Variants in CEP63 observed in about 807,000 individuals in gnomAD.
The protein encoded by CEP63 is centrosomal protein 63, also known as centrosomal protein of 63 kDa.
Under a neutral mutation model 89.1 loss-of-function variants are expected in CEP63, and 84 were observed. The ratio of observed to expected loss-of-function variants is 0.94; its 90% CI spans 0.79 to 1.13. CEP63 has a LOEUF of 1.13. Ranked by LOEUF, CEP63 falls within the 50% of genes most tolerant of loss-of-function variation. The probability of loss-of-function intolerance (pLI) is 0.00; values close to 1 mark genes in which losing one functional copy is unlikely to be tolerated. For synonymous variants in CEP63, 267 were observed against 272.5 expected, an observed-to-expected ratio of 0.98 and a Z score of 0.20; for missense variants, 838 against 813.3, an observed-to-expected ratio of 1.03 and a Z score of -0.37.
chr3:134,558,080 A>G (rs1956599636), intron 12 of CEP63, 62 bp from the exon 13 acceptor site: 1 of 1,374,934 alleles, frequency 7.3e-7, no homozygotes, highest in Admixed American at 1.7e-5. Context: ...TCCAACCAGC[A>G]GTATCACAGA....
the CEP63 span, among the ~76,000 whole-genome samples, chr3:134,657,815 A>G: frequency 3.3e-5 from 5 of 152,234 alleles, no homozygotes; most frequent in Non-Finnish European, 7.3e-5. Flanking sequence ...CTCTCCATAC[A>G]CTATCACAAG....
At chr3:134,705,890 C>A in the CEP63 span, among the ~76,000 whole-genome samples, 2 of 152,162 alleles carry the variant, frequency 1.3e-5, no homozygotes, top group African/African-American at 4.8e-5. Flanking sequence ...TGATTCAGGA[C>A]CTTACATAAC....
the CEP63 span, chr3:134,643,423 T>C: frequency 1.1e-5 from 17 of 1,550,154 alleles, no homozygotes; most frequent in East Asian, 3.6e-4. Flanking sequence ...ACTGGGGAAT[T>C]TTCCCCAGGC....
At chr3:134,727,469 G>T in the CEP63 span, among the ~76,000 whole-genome samples, 1 of 152,134 alleles carries the variant, frequency 6.6e-6, no homozygotes, top group African/African-American at 2.4e-5. Flanking sequence ...TTATTCATTT[G>T]TCCTGACAGC....
intron 5 of CEP63, among the ~76,000 whole-genome samples, chr3:134,533,131 G>C (rs1950172659): frequency 6.6e-6 from 1 of 152,150 alleles, no homozygotes; most frequent in Admixed American, 6.5e-5. Flanking sequence ...ACCACCCTTA[G>C]GGAGCATTTG....
chr3:134,567,732 C>T (rs923317299), downstream of CEP63, among the ~76,000 whole-genome samples: 1 of 152,206 alleles, frequency 6.6e-6, no homozygotes, highest in African/African-American at 2.4e-5. Flanking sequence ...GGTTCCTGCT[C>T]TTCCGGGTGG....
At chr3:134,506,233 G>A (rs1276613842) in intron 2 of CEP63, among the ~76,000 whole-genome samples, 2 of 152,180 alleles carry the variant, frequency 1.3e-5, no homozygotes, top group Admixed American at 1.3e-4. Flanking sequence ...GAAATGCCAG[G>A]ACATCAGTAG....
downstream of CEP63, among the ~76,000 whole-genome samples, chr3:134,591,969 CCA>C (rs1958606378): frequency 6.6e-6 from 1 of 152,172 alleles, no homozygotes; most frequent in African/African-American, 2.4e-5. Context: ...CAAATTACCC[CCA>C]GATTTAGCAG....
intron 2 of CEP63, 84 bp from the exon 3 acceptor site, chr3:134,507,025 C>A: frequency 3.6e-6 from 3 of 825,966 alleles, no homozygotes; most frequent in Non-Finnish European, 5.9e-6. Context: ...GGTAGATTTA[C>A]ATCTGCTATA....
the CEP63 span, chr3:134,651,696 CG>C: frequency 1.2e-6 from 1 of 856,226 alleles, no homozygotes; most frequent in Non-Finnish European, 1.4e-6. Context: ...TGATCTGAAA[CG>C]AAAGTCTTAA....
At chr3:134,612,683 G>A in the CEP63 span, among the ~76,000 whole-genome samples, 1 of 151,846 alleles carries the variant, frequency 6.6e-6, no homozygotes, top group Non-Finnish European at 1.5e-5. Flanking sequence ...GCTAAGCAGT[G>A]CCCCTGACAC....
At chr3:134,632,175 T>C in the CEP63 span, among the ~76,000 whole-genome samples, 18 of 152,168 alleles carry the variant, frequency 1.2e-4, 1 homozygote, top group African/African-American at 4.1e-4. Context: ...TAGTTCGAGA[T>C]TTTAACACTA....
chr3:134,623,608 G>A, the CEP63 span, among the ~76,000 whole-genome samples: 38 of 146,144 alleles, frequency 2.6e-4, 1 homozygote, highest in Admixed American at 3.5e-4. Flanking sequence ...TAGCCTCCCC[G>A]TCTCTGCAGG....
the CEP63 span, among the ~76,000 whole-genome samples, chr3:134,646,728 G>A: frequency 3.5e-4 from 54 of 152,264 alleles, no homozygotes; most frequent in African/African-American, 1.3e-3. Flanking sequence ...TGATCCTAGG[G>A]CTCACATAGC....
the CEP63 span, among the ~76,000 whole-genome samples, chr3:134,780,910 T>C: frequency 2.0e-4 from 30 of 152,332 alleles, no homozygotes; most frequent in South Asian, 5.6e-3. Context: ...TATTATGAAG[T>C]CTTCCTTTTA....
At chr3:134,493,170 A>G (rs1938348576) in intron 1 of CEP63, among the ~76,000 whole-genome samples, 1 of 152,194 alleles carries the variant, frequency 6.6e-6, no homozygotes, top group South Asian at 2.1e-4. Flanking sequence ...TTAGTTAAGT[A>G]TCCGTGTATG....
intron 6 of CEP63, among the ~76,000 whole-genome samples, 182 bp downstream of exon 6, chr3:134,537,450 A>G (rs570662409): frequency 6.6e-6 from 1 of 152,090 alleles, no homozygotes; most frequent in South Asian, 2.1e-4. Flanking sequence ...GCCTGCCCTC[A>G]CACATGCGTG....
chr3:134,584,064 A>T (rs1461991736), intron 10 of CEP63, among the ~76,000 whole-genome samples: 1 of 152,224 alleles, frequency 6.6e-6, no homozygotes, highest in East Asian at 1.9e-4. Flanking sequence ...TATCAGCTTA[A>T]GGAGTTTTTG....
chr3:134,545,857 GTA>G, intron 7 of CEP63, 38 bp downstream of exon 7: 1 of 1,434,172 alleles, frequency 7.0e-7, no homozygotes, highest in Non-Finnish European at 9.7e-7. Context: ...GGAAGTGTGT[GTA>G]TGAGTATTTT....
Sources: allele counts gnomAD v4.1 joint callset (sites outside exome capture counted in the v4.1 genomes callset), GRCh38; gene constraint gnomAD v4.1.1; transcripts MANE v1.5; gene names NCBI Gene and HGNC (gene_info 2026-07-23, HGNC 2026-07-21).